PWWP2A: variants seen among roughly 807,000 people sequenced by gnomAD.
The protein encoded by PWWP2A is PWWP domain-containing protein 2A.
In PWWP2A, 18 loss-of-function variants were observed where a neutral mutation model predicts 48.5. The observed-to-expected ratio is 0.37, with a 90% CI of 0.26 to 0.55. The LOEUF (loss-of-function observed/expected upper bound fraction) is 0.55, where lower values mean the gene tolerates loss of function less well. Among genes scored for constraint, PWWP2A ranks in the 20% least tolerant of loss-of-function variants. The pLI is 0.81. For synonymous variants in PWWP2A, 396 were observed against 387.7 expected (o/e 1.02, Z -0.25); for missense variants, 867 against 976.4 (o/e 0.89, Z 1.49).
At chr5:160,087,263 T>C (rs1754711311), downstream of PWWP2A, among the ~76,000 whole-genome samples, 1 of 151,670 alleles carries the variant, frequency 6.6e-6, no homozygotes, top group Admixed American at 6.6e-5. Context: ...ACACCAGTAG[T>C]CCCAGCTATG....
chr5:160,109,094 G>A (rs547254687), intron 1 of PWWP2A, among the ~76,000 whole-genome samples: 11 of 151,922 alleles, frequency 7.2e-5, no homozygotes, highest in Non-Finnish European at 8.8e-5. Flanking sequence ...AGCAATTCTC[G>A]TGCCTCAGCC....
intron 1 of PWWP2A, among the ~76,000 whole-genome samples, chr5:160,107,046 A>G (rs2546379): frequency 0.75 from 114,610 of 151,902 alleles, 43,296 homozygotes; most frequent in East Asian, 0.87. Context: ...GGCTGGTCTC[A>G]AACTCCTGGC....
At position 160,119,360 on chromosome 5, in the gene PWWP2A, G is replaced by A. The variant is rs1758489165; in HGVS notation, c.29C>T (p.Ala10Val). Residue 10 changes from alanine to valine, a missense_variant, in exon 1 of 2, where the codon GCG becomes GTG. Coordinates refer to ENST00000307063, the MANE Select transcript of PWWP2A (RefSeq NM_001130864.2). Reference protein sequence around the residue: MAAVAAEAAATAASPGEGGA... With the variant: MAAVAAEAAVTAASPGEGGA... Reference sequence around the variant, plus strand: ...CCCCTCCCCGGGGGACGCTGCAGTCGCTGCCGCCTCTGCAGCCACGGCCGC... The same window carrying A: ...CCCCTCCCCGGGGGACGCTGCAGTCACTGCCGCCTCTGCAGCCACGGCCGC... The A allele has an allele frequency of 1.4e-6, 2 of 1,382,100 alleles. No individual in the cohort carries two copies. The highest frequency in any genetic ancestry group is 2.0e-4 in the Middle Eastern group (1 of 5,064). 85.6% of individuals were successfully genotyped at this position (1,382,100 alleles called of 1,614,324 possible).
chr5:160,045,512 ACATACACACTCTCTCT>A, the PWWP2A span, among the ~76,000 whole-genome samples: 29 of 42,836 alleles, frequency 6.8e-4, 1 homozygote, highest in African/African-American at 3.4e-3. Context: ...ACACACACAC[ACATACACACTCTCTCT>A]CTCTCTCTCT....
At chr5:160,097,994 G>A (rs936407269) in intron 1 of PWWP2A, among the ~76,000 whole-genome samples, 52 of 152,138 alleles carry the variant, frequency 3.4e-4, no homozygotes, top group African/African-American at 8.0e-4. Context: ...GATTACAGGC[G>A]TGAGCCACTG....
In PWWP2A at chr5:160,106,820, C is replaced by CTTTTT. The variant is rs764479391; in HGVS notation, c.584+11980_584+11984dup. Among the ~76,000 whole-genome samples, 274 of 119,764 alleles carry CTTTTT rather than the reference C, an allele frequency of 2.3e-3. 6 individuals are homozygous for CTTTTT. Among genetic ancestry groups the CTTTTT allele is most frequent in the African/African-American group, 7.7e-3 (251 of 32,698 alleles). The allele number at this position is 119,764 out of a possible 152,430, so 78.6% of individuals were successfully genotyped here. ...GTCTCATTGTTAACTAACCATTAAC[C>CTTTTT]TTTTTTTTTTTTTTTTTTTTTTGAG... is the stretch of plus-strand genomic sequence containing the variant. On this transcript the variant is annotated intron_variant, in intron 1 of 1. Transcript: ENST00000307063.
At chr5:160,061,382 T>A (rs1753391795), downstream of PWWP2A, among the ~76,000 whole-genome samples, 1 of 152,244 alleles carries the variant, frequency 6.6e-6, no homozygotes, top group Non-Finnish European at 1.5e-5. Flanking sequence ...CTCAGCTACA[T>A]ATGAATTTGG....
At chr5:160,054,028 C>T in the PWWP2A span, among the ~76,000 whole-genome samples, 2 of 152,130 alleles carry the variant, frequency 1.3e-5, no homozygotes, top group Non-Finnish European at 1.5e-5. Flanking sequence ...AGCATCAAGA[C>T]GATCACTTGA....
chr5:160,103,855 C>T (rs1275134208), intron 1 of PWWP2A, among the ~76,000 whole-genome samples: 2 of 152,068 alleles, frequency 1.3e-5, no homozygotes, highest in African/African-American at 4.8e-5. Flanking sequence ...GGAGCAGTAG[C>T]TCATGCCTGT....
At chr5:160,105,511 C>A (rs183397367) in intron 1 of PWWP2A, 1 of 167,906 alleles carries the variant, frequency 6.0e-6, no homozygotes, top group Non-Finnish European at 1.2e-5. Flanking sequence ...GCCGAGATCG[C>A]GCCACTGCAC....
downstream of PWWP2A, among the ~76,000 whole-genome samples, chr5:160,072,818 G>A (rs757354029): frequency 9.2e-5 from 14 of 151,752 alleles, no homozygotes; most frequent in African/African-American, 3.4e-4. Context: ...GTGAGACTCC[G>A]TCTCAAAAAT....
chr5:160,107,979 C>T (rs142785464), intron 1 of PWWP2A, among the ~76,000 whole-genome samples: 302 of 151,038 alleles, frequency 2.0e-3, no homozygotes, highest in Non-Finnish European at 3.3e-3. Flanking sequence ...CTGGCCTGGG[C>T]GACAAAAGCG....
downstream of PWWP2A, among the ~76,000 whole-genome samples, chr5:160,057,442 C>A (rs1395890438): frequency 6.6e-6 from 1 of 151,516 alleles, no homozygotes; most frequent in Non-Finnish European, 1.5e-5. The surrounding 1 kb of genome is among the most constrained non-coding windows in gnomAD (Gnocchi z 4.4). Flanking sequence ...TTTTAAAATA[C>A]ATTATTAAAA....
the PWWP2A span, among the ~76,000 whole-genome samples, chr5:160,056,164 A>G: frequency 6.6e-6 from 1 of 152,216 alleles, no homozygotes; most frequent in Non-Finnish European, 1.5e-5. Context: ...TCCCTCAAAG[A>G]AACCATAACA....
intron 2 of PWWP2A, among the ~76,000 whole-genome samples, chr5:160,083,536 C>A (rs911410694): frequency 1.3e-5 from 2 of 152,188 alleles, no homozygotes; most frequent in Admixed American, 6.5e-5. Context: ...GGAAGCACAG[C>A]ATCTATGCAA....
chr5:160,089,548 T>C, downstream of PWWP2A: 1 of 1,287,598 alleles, frequency 7.8e-7, no homozygotes, highest in Non-Finnish European at 1.0e-6. Context: ...GTTCCACATC[T>C]GTAAATGAGA....
chr5:160,111,438 T>G (rs188053505), intron 1 of PWWP2A, among the ~76,000 whole-genome samples: 1,821 of 151,948 alleles, frequency 0.012, 32 homozygotes, highest in African/African-American at 0.04. Context: ...AAAGTGCTGG[T>G]ATTACAGGCG....
At chr5:160,075,623 C>T (rs969240842), downstream of PWWP2A, among the ~76,000 whole-genome samples, 3 of 151,884 alleles carry the variant, frequency 2.0e-5, no homozygotes, top group Non-Finnish European at 4.4e-5. Flanking sequence ...TTGTTTCTAT[C>T]GAAAAGCTGT....
chr5:160,072,952 C>T (rs373299117), downstream of PWWP2A, among the ~76,000 whole-genome samples: 6 of 133,526 alleles, frequency 4.5e-5, no homozygotes, highest in East Asian at 7.1e-4. Flanking sequence ...TGCAGTGTGC[C>T]GAGATTGCAC....
Sources: gnomAD v4.1 joint callset for allele counts (sites outside exome capture counted in the v4.1 genomes callset) on GRCh38, gnomAD v4.1.1 for gene constraint, Gnocchi (gnomAD v3.1) non-coding constraint, MANE v1.5 for transcripts, NCBI Gene and HGNC (gene_info 2026-07-23, HGNC 2026-07-21) for gene names.